Variants in PPP2R2C observed in about 807,000 individuals in gnomAD.
The protein encoded by PPP2R2C is protein phosphatase 2 regulatory subunit Bgamma.
In PPP2R2C, 10 loss-of-function variants were observed where a neutral mutation model predicts 45.3. The observed-to-expected ratio is 0.22, with a 90% CI of 0.14 to 0.37. The LOEUF (loss-of-function observed/expected upper bound fraction) is 0.37. Ranked by LOEUF, PPP2R2C falls within the 10% of genes least tolerant of loss-of-function variation. The pLI, the probability that PPP2R2C is intolerant of heterozygous loss-of-function variation, is 1.00. For missense variants in PPP2R2C, 308 were observed against 619.7 expected, an observed-to-expected ratio of 0.50 and a Z score of 5.34; for synonymous variants, 257 against 245.4, an observed-to-expected ratio of 1.05 and a Z score of -0.44.
intron 1 of PPP2R2C, among the ~76,000 whole-genome samples, chr4:6,449,881 A>G (rs1424045057): frequency 6.6e-6 from 1 of 152,220 alleles, no homozygotes; most frequent in African/African-American, 2.4e-5. Flanking sequence ...GGAGGCTTCA[A>G]AACACCTCGC....
chr4:6,512,152 G>T (rs1235210461), intron 2 of PPP2R2C, among the ~76,000 whole-genome samples: 9 of 59,476 alleles, frequency 1.5e-4, no homozygotes, highest in African/African-American at 7.3e-4. Context: ...GGTGGTAGTG[G>T]TGATGGTGAT....
At chr4:6,533,736 C>G (rs958980400) in intron 2 of PPP2R2C, among the ~76,000 whole-genome samples, 5 of 152,098 alleles carry the variant, frequency 3.3e-5, no homozygotes, top group African/African-American at 1.2e-4. Flanking sequence ...TTATTTATAA[C>G]TGAGCACACC....
At chr4:6,488,263 G>A (rs1722590739) in intron 2 of PPP2R2C, among the ~76,000 whole-genome samples, 1 of 152,108 alleles carries the variant, frequency 6.6e-6, no homozygotes, top group South Asian at 2.1e-4. Context: ...CTGCTTCATT[G>A]CATGGCTAGT....
chr4:6,378,552 G>C lies in PPP2R2C; in HGVS notation c.189C>G (p.Ser63Arg). Residue 63 changes from serine (S) to arginine (R), a missense_variant, in exon 3 of 9, where the codon AGC becomes AGG. Coordinates refer to ENST00000382599, the MANE Select transcript of PPP2R2C (RefSeq NM_020416.4). The surrounding 1 kb of genome is among the most constrained non-coding windows in gnomAD (Gnocchi z 5.2). ...REPESKNAPH[S>R]QGEYDVYSTF... ...TGCTGTACACGTCGTATTCGCCCTGGCTGTGGGGCGCATTTTTACTCTGCA... is the reference window on the plus strand; with the variant it reads ...TGCTGTACACGTCGTATTCGCCCTGCCTGTGGGGCGCATTTTTACTCTGCA... The C allele has an allele frequency of 6.2e-7, 1 of 1,613,822 alleles. No individual in the cohort carries two copies. The highest frequency in any genetic ancestry group is 8.5e-7 in the Non-Finnish European group (1 of 1,179,826).
intron 8 of PPP2R2C, among the ~76,000 whole-genome samples, chr4:6,326,752 A>G (rs1421097075): frequency 6.6e-6 from 1 of 152,244 alleles, no homozygotes; most frequent in East Asian, 1.9e-4. Context: ...GAGAGAGTCC[A>G]GCAGGAGAGC....
chr4:6,428,667 C>T (rs1577175824), intron 1 of PPP2R2C, among the ~76,000 whole-genome samples: 1 of 152,348 alleles, frequency 6.6e-6, no homozygotes, highest in Admixed American at 6.5e-5. Flanking sequence ...GATGAATAAG[C>T]CAGACATCAC....
In PPP2R2C at chr4:6,401,092, T is replaced by C. The variant is rs571221782; in HGVS notation, c.71-19998A>G. On this transcript the variant is annotated intron_variant, in intron 1 of 8. Coordinates refer to ENST00000382599, the MANE Select transcript of PPP2R2C (RefSeq NM_020416.4). ...TTATGAGGACATTATAGAAAGAACT[T>C]CTGGACTATAAAATATGAACATGAA... 3.3e-5 allele frequency among the ~76,000 whole-genome samples: 5 copies of C among 152,276 alleles called. No homozygotes were observed. In the South Asian group the frequency reaches 6.2e-4, roughly 19 times the overall value.
chr4:6,397,317 C>G (rs549679623), intron 1 of PPP2R2C, among the ~76,000 whole-genome samples: 8 of 152,214 alleles, frequency 5.3e-5, no homozygotes, highest in Non-Finnish European at 1.2e-4. Flanking sequence ...CACCACCAAC[C>G]AAAAATCACC....
At chr4:6,522,998 C>T (rs867729308) in intron 2 of PPP2R2C, among the ~76,000 whole-genome samples, 5 of 152,198 alleles carry the variant, frequency 3.3e-5, no homozygotes, top group African/African-American at 7.2e-5. Context: ...AGGGGTGGAC[C>T]GGGGAGGCTC....
chr4:6,346,174 G>T (rs1711896697), intron 6 of PPP2R2C, among the ~76,000 whole-genome samples: 1 of 152,170 alleles, frequency 6.6e-6, no homozygotes, highest in African/African-American at 2.4e-5. Flanking sequence ...AGACCCTGCA[G>T]CGACCTCTGA....
chr4:6,362,878 CT>C (rs1431401938), intron 5 of PPP2R2C, among the ~76,000 whole-genome samples: 1 of 53,552 alleles, frequency 1.9e-5, no homozygotes, highest in Admixed American at 2.5e-4. Flanking sequence ...CCCCTTTCCC[CT>C]GCACCCCCTT....
chr4:6,493,571 A>G (rs1722779013), intron 2 of PPP2R2C, among the ~76,000 whole-genome samples: 1 of 151,144 alleles, frequency 6.6e-6, no homozygotes, highest in Admixed American at 6.6e-5. Context: ...GTGCTGTGTT[A>G]GAAATCTGAC....
chr4:6,423,610 A>C (rs1184163520), intron 1 of PPP2R2C, among the ~76,000 whole-genome samples: 1 of 152,246 alleles, frequency 6.6e-6, no homozygotes, highest in Non-Finnish European at 1.5e-5. Context: ...AGACCCAAAA[A>C]ATAATCATTA....
At chr4:6,446,394 C>G (rs1352868380) in intron 1 of PPP2R2C, among the ~76,000 whole-genome samples, 1 of 152,164 alleles carries the variant, frequency 6.6e-6, no homozygotes, top group Non-Finnish European at 1.5e-5. Context: ...ATGGTTTTAA[C>G]TCCACCTGCA....
At chr4:6,532,652 A>G (rs1724443915) in intron 2 of PPP2R2C, among the ~76,000 whole-genome samples, 1 of 152,254 alleles carries the variant, frequency 6.6e-6, no homozygotes, top group Non-Finnish European at 1.5e-5. Flanking sequence ...AGAAATGTCC[A>G]AGGATCACAG....
At chr4:6,336,070 A>G (rs1732822247) in intron 6 of PPP2R2C, among the ~76,000 whole-genome samples, 1 of 152,166 alleles carries the variant, frequency 6.6e-6, no homozygotes, top group African/African-American at 2.4e-5. Context: ...AAGATCAGGA[A>G]GGAGGGAGGG....
rs1731552451 is a variant in PPP2R2C, at chr4:6,321,557, C to T, written c.*1745G>A. 6.6e-6 allele frequency: 1 copy of T among 152,408 alleles called. No homozygotes were observed. The allele number at this position is 152,408 out of a possible 1,614,324, so 9.4% of individuals were successfully genotyped here. A position where few individuals can be genotyped will look rare whatever the true frequency, so the allele number is the denominator to read the frequency against. On this transcript the variant is annotated 3_prime_UTR_variant, in exon 9 of 9. Coordinates refer to ENST00000382599, the MANE Select transcript of PPP2R2C (RefSeq NM_020416.4). ...ATGGCCAGAAGTGAGTACACATGCA[C>T]TTTGTGCTTTTACACACACAAAAGT... is the stretch of plus-strand genomic sequence containing the variant.
Position 6,535,445 on chromosome 4 carries a change from C to A in PPP2R2C, c.-58-68G>T, listed in dbSNP as rs901730586. On this transcript the variant is annotated intron_variant, in intron 1 of 9. Coordinates refer to the PPP2R2C transcript ENST00000506140. ...CTTGGTGCATGCACGCCGCCACACA[C>A]CACATGCAACGCGAGCACCGCCACC... The A allele has an allele frequency of 9.4e-6, 10 of 1,061,850 alleles. No individual in the cohort carries two copies. In the Admixed American group the frequency reaches 1.2e-4, roughly 13 times the overall value. The allele number at this position is 1,061,850 out of a possible 1,614,324, so 65.8% of individuals were successfully genotyped here. A position where few individuals can be genotyped will look rare whatever the true frequency, so the allele number is the denominator to read the frequency against.
chr4:6,513,178 T>C (rs1227198813), intron 2 of PPP2R2C, among the ~76,000 whole-genome samples: 1 of 152,192 alleles, frequency 6.6e-6, no homozygotes, highest in Non-Finnish European at 1.5e-5. Context: ...TTCACAAGCA[T>C]TTAATAAGCA....
Sources: gnomAD v4.1 joint callset for allele counts (sites outside exome capture counted in the v4.1 genomes callset) on GRCh38, gnomAD v4.1.1 for gene constraint, Gnocchi (gnomAD v3.1) non-coding constraint, MANE v1.5 for transcripts, NCBI Gene and HGNC (gene_info 2026-07-23, HGNC 2026-07-21) for gene names.